The following CNKSR1 variants were observed in gnomAD, a reference collection of about 807,000 sequenced individuals.
CNKSR1 encodes the protein CNK homolog protein 1.
A neutral mutation model predicts 95.6 loss-of-function variants in CNKSR1; 88 were observed. The observed-to-expected ratio is 0.92, with a 90% confidence interval of 0.78 to 1.10. The LOEUF is 1.10. Among genes scored for constraint, CNKSR1 ranks in the 50% least tolerant of loss-of-function variants. The probability of loss-of-function intolerance (pLI) is 0.00; values close to 1 mark genes in which losing one functional copy is unlikely to be tolerated. For synonymous variants in CNKSR1, 355 were observed against 369.7 expected (o/e 0.96, Z 0.46); for missense variants, 836 against 912.0 (o/e 0.92, Z 1.07).
rs535187431 is a variant in CNKSR1, at chr1:26,183,222, A to G, written c.650A>G (p.Asn217Ser). Reference sequence around the variant, plus strand: ...GGCCTAGAAATTCACACCACCAGCAATTGCCAGCACTTTGTGTCCCAAGTG... The same window carrying G: ...GGCCTAGAAATTCACACCACCAGCAGTTGCCAGCACTTTGTGTCCCAAGTG... Reference protein sequence around the residue: ...PLGLEIHTTSNCQHFVSQVDT... With the variant: ...PLGLEIHTTSSCQHFVSQVDT... The change falls in exon 7 of 21, where the codon AAT (asparagine) becomes AGT (serine). Residue 217 changes from asparagine (N) to serine (S), a missense_variant. Physicochemically the swap from Asn to Ser is conservative, Grantham distance 46. Transcript: ENST00000361530. 2 of 1,613,904 alleles carry G rather than the reference A, an allele frequency of 1.2e-6. No individual in the cohort carries two copies. The highest frequency in any genetic ancestry group is 2.7e-5 in the African/African-American group (2 of 74,994).
rs2088665492 is a variant in CNKSR1 at position 26,182,539 on chromosome 1, G to A, written c.579G>A (p.Leu193=). 2.5e-6 allele frequency: 4 copies of A among 1,613,904 alleles called. No homozygotes were observed. Among genetic ancestry groups the A allele is most frequent in the Non-Finnish European group, 3.4e-6 (4 of 1,180,000 alleles). Residue 193 remains leucine, a synonymous_variant, in exon 6 of 21, where the codon CTG becomes CTA. Coordinates refer to ENST00000361530, the MANE Select transcript of CNKSR1 (RefSeq NM_006314.3). ...NILVCCPKEL[L]EQKAVLEQVQ... ...TGGTCTGCTGCCCCAAGGAGCTGCT[G>A]GAACAGAAGGCCGTGCTCGAGCAGG...
In CNKSR1 at chr1:26,182,489, G is replaced by GTGGC. The variant is rs761390129; in HGVS notation, c.533_536dup (p.Ile180TrpfsTer54). On this transcript the variant is annotated frameshift_variant, in exon 6 of 21. Transcript: ENST00000361530. LOFTEE classifies it high-confidence loss of function. The stretch of plus-strand genomic sequence containing the variant: ...CGCTCCCCTCCCCCAGTGCAGCCAC[G>GTGGC]TGGCTGGGATCTGCCACAACATCCT... 1 of 1,614,074 alleles carries GTGGC rather than the reference G, an allele frequency of 6.2e-7. No homozygotes were observed. Among genetic ancestry groups the GTGGC allele is most frequent in the African/African-American group, 1.3e-5 (1 of 75,026 alleles).
Position 26,180,584 on chromosome 1 carries a change from G to A in CNKSR1, c.184G>A (p.Gly62Ser), listed in dbSNP as rs147266314. ...RSLGHQELIL[G>S]GVEQLQALSS... The stretch of plus-strand genomic sequence containing the variant: ...TCTGGGACACCAGGAGCTCATCCTG[G>A]GCGGGGTGGAACAGCTCCAGGCCCT... The change falls in exon 2 of 21, where the codon GGC becomes AGC. Residue 62 changes from glycine to serine, a missense_variant. Coordinates refer to ENST00000361530, the MANE Select transcript of CNKSR1 (RefSeq NM_006314.3). 3.9e-4 allele frequency: 625 copies of A among 1,614,092 alleles called. 1 individual carries two copies. Among genetic ancestry groups the A allele is most frequent in the Non-Finnish European group, 4.9e-4 (575 of 1,180,048 alleles).
Position 26,185,025 on chromosome 1 carries a change from C to A in CNKSR1, c.1147C>A (p.Arg383=). 6.3e-7 allele frequency: 1 copy of A among 1,598,476 alleles called. No individual in the cohort carries two copies. Among genetic ancestry groups the A allele is most frequent in the Non-Finnish European group, 8.5e-7 (1 of 1,177,726 alleles). Residue 383 remains arginine (R), a synonymous_variant, in exon 14 of 21, where the codon CGG becomes AGG. Coordinates refer to ENST00000361530, the MANE Select transcript of CNKSR1 (RefSeq NM_006314.3). The stretch of plus-strand genomic sequence containing the variant: ...CTGTGCTGCTACAGGCCTGGCGACC[C>A]GGCTGAGCCGCCGGCGGGTGTCATG... The part of the protein sequence containing the change: ...GRKKSKGLAT[R]LSRRRVSCRE...
chr1:26,182,245 C>A, intron 4 of CNKSR1, 116 bp from the exon 5 acceptor site: 1 of 1,059,898 alleles, frequency 9.4e-7, no homozygotes, highest in Non-Finnish European at 1.4e-6. Flanking sequence ...GGGCAGGGGG[C>A]CAGTGTAGGG....
chr1:26,184,560 T>C (rs376434802), intron 12 of CNKSR1, 25 bp from the exon 13 acceptor site: 255 of 1,607,856 alleles, frequency 1.6e-4, no homozygotes, highest in Non-Finnish European at 2.0e-4. Flanking sequence ...TAGATCCTTC[T>C]CTCACCCTTC....
chr1:26,183,375 G>T lies in CNKSR1; in HGVS notation c.714G>T (p.Gln238His), dbSNP rs2088680312. 3 of 1,614,202 alleles carry T rather than the reference G, an allele frequency of 1.9e-6. No individual in the cohort carries two copies. Among genetic ancestry groups the T allele is most frequent in the East Asian group, 4.5e-5 (2 of 44,868 alleles). ...CCACTGACTCCCGACTGCAGATCCA[G>T]CCTGGAGACGAGGTTGTCCAGATCA... ...QVPTDSRLQI[Q>H]PGDEVVQINE... Residue 238 changes from glutamine (Q) to histidine (H), a missense_variant, in exon 8 of 21, where the codon CAG (glutamine) becomes CAT (histidine). Transcript: ENST00000361530.
Position 26,180,493 on chromosome 1 carries a change from G to C in CNKSR1, c.93G>C (p.Trp31Cys). ...DSLQDYPFED[W>C]QLPGKNLLQL... Reference sequence around the variant, plus strand: ...TGCAGGACTATCCCTTTGAGGACTGGCAGCTGCCTGGCAAGAACCTGCTCC... The same window carrying C: ...TGCAGGACTATCCCTTTGAGGACTGCCAGCTGCCTGGCAAGAACCTGCTCC... The change falls in exon 2 of 21, where the codon TGG becomes TGC. Residue 31 changes from tryptophan (W) to cysteine (C), a missense_variant. Physicochemically the swap from Trp to Cys is radical, Grantham distance 215 (BLOSUM62 -2). Transcript: ENST00000361530. The C allele has an allele frequency of 6.2e-7, 1 of 1,614,160 alleles. No individual in the cohort carries two copies. Among genetic ancestry groups the C allele is most frequent in the East Asian group, 2.2e-5 (1 of 44,892 alleles).
intron 1 of CNKSR1, among the ~76,000 whole-genome samples, chr1:26,179,825 C>T (rs796746453): frequency 2.0e-5 from 3 of 152,304 alleles, no homozygotes; most frequent in African/African-American, 7.2e-5. Context: ...GGGAGCATCA[C>T]AGTCACCTGC....
chr1:26,189,282 A>AAGCTGCAGG lies in CNKSR1; in HGVS notation c.1886_1894dup (p.Glu629_Gln631dup). On this transcript the variant is annotated inframe_insertion, in exon 21 of 21. Coordinates refer to ENST00000361530, the MANE Select transcript of CNKSR1 (RefSeq NM_006314.3). ...TTAGCCCCTCCTCTCCACACAGGCA[A>AAGCTGCAGG]AGCTGCAGGAGCTGCAGGTCCTAGA... The AAGCTGCAGG allele has an allele frequency of 6.2e-7, 1 of 1,614,110 alleles. No homozygotes were observed. Among genetic ancestry groups the AAGCTGCAGG allele is most frequent in the Non-Finnish European group, 8.5e-7 (1 of 1,180,034 alleles).
In CNKSR1 at chr1:26,189,526, G is replaced by A; in HGVS notation, c.2120G>A (p.Ser707Asn). 2 of 1,566,636 alleles carry A rather than the reference G, an allele frequency of 1.3e-6. No homozygotes were observed. The highest frequency in any genetic ancestry group is 2.2e-5 in the South Asian group (2 of 90,158). The change falls in exon 21 of 21, where the codon AGC (serine) becomes AAC (asparagine). Residue 707 changes from serine (S) to asparagine (N), a missense_variant. Transcript: ENST00000361530. ...CTCTGCCCCCTGACCTCAGAGAGCA[G>A]CCTCCGACCTCCTGACCTCTGACCC... ...SHLCPLTSES[S>N]LRPPDL is the part of the protein sequence containing the mutation.
chr1:26,183,868 C>A (rs765452416), intron 9 of CNKSR1, 38 bp downstream of exon 9: 3 of 565,928 alleles, frequency 5.3e-6, no homozygotes, highest in Admixed American at 2.7e-5. Flanking sequence ...GCCTTCAGAC[C>A]CCCCCCTCCA....
chr1:26,187,376 C>A (rs1375606002), intron 15 of CNKSR1, 35 bp from the exon 16 acceptor site: 1 of 1,613,018 alleles, frequency 6.2e-7, no homozygotes, highest in East Asian at 2.2e-5. Flanking sequence ...GGTGGGCACG[C>A]CCAGGCTGAG....
At chr1:26,184,362 G>T in intron 11 of CNKSR1, 39 bp from the exon 12 acceptor site, 1 of 1,606,516 alleles carries the variant, frequency 6.2e-7, no homozygotes, top group African/African-American at 1.3e-5. Context: ...CTGGGACTGG[G>T]CTCATAGACT....
Position 26,182,604 on chromosome 1 carries a change from C to T in CNKSR1, c.624+20C>T, listed in dbSNP as rs1446568624. The stretch of plus-strand genomic sequence containing the variant: ...CCATTGGTGAGCCCTGCCCTCCCAC[C>T]TCTCACTTCTGACCCCTTGGCAGCC... On this transcript the variant is annotated intron_variant, in intron 6 of 20. Coordinates refer to ENST00000361530, the MANE Select transcript of CNKSR1 (RefSeq NM_006314.3). 4 of 1,598,308 alleles carry T rather than the reference C, an allele frequency of 2.5e-6. No individual in the cohort carries two copies. Among genetic ancestry groups the T allele is most frequent in the East Asian group, 2.2e-5 (1 of 44,616 alleles).
At position 26,187,459 on chromosome 1, in the gene CNKSR1, T is replaced by C; in HGVS notation, c.1431T>C (p.Ala477=). ...HDVYKPFIFA[A]DTLTDLSMWV... ...TGTACAAACCCTTCATCTTCGCTGC[T>C]GATACCCTGACAGATCTGAGCATGT... The change falls in exon 16 of 21, where the codon GCT becomes GCC. Residue 477 remains alanine, a synonymous_variant. Coordinates refer to ENST00000361530, the MANE Select transcript of CNKSR1 (RefSeq NM_006314.3). 1 of 1,614,094 alleles carries C rather than the reference T, an allele frequency of 6.2e-7. No individual in the cohort carries two copies. The highest frequency in any genetic ancestry group is 8.5e-7 in the Non-Finnish European group (1 of 1,180,016).
At position 26,184,613 on chromosome 1, in the gene CNKSR1, G is replaced by T; in HGVS notation, c.1135+1G>T. 3 of 1,601,792 alleles carry T rather than the reference G, an allele frequency of 1.9e-6. No homozygotes were observed. In the South Asian group the frequency reaches 3.4e-5, roughly 18 times the overall value. ...CCTGTTGGTCGGAAGAAATCAAAAG[G>T]TATGAGGTGCGCTGGACTAGGTGGG... On this transcript the variant is annotated splice_donor_variant, in intron 13 of 20. Coordinates refer to ENST00000361530, the MANE Select transcript of CNKSR1 (RefSeq NM_006314.3). LOFTEE classifies it high-confidence loss of function.
chr1:26,184,200 C>T lies in CNKSR1; in HGVS notation c.927-14C>T, dbSNP rs964069349. The T allele has an allele frequency of 1.2e-6, 2 of 1,613,056 alleles. No individual in the cohort carries two copies. Among genetic ancestry groups the T allele is most frequent in the Admixed American group, 1.7e-5 (1 of 59,938 alleles). ...GAGACCGTGGGCTCATCTCATCCCC[C>T]TTGCCCTCCCCAGGGCCCCATCTGA... On this transcript the variant is annotated splice_polypyrimidine_tract_variant and intron_variant, in intron 10 of 20. Coordinates refer to ENST00000361530, the MANE Select transcript of CNKSR1 (RefSeq NM_006314.3).
At chr1:26,182,444 C>T (rs564134554) in intron 5 of CNKSR1, 36 bp from the exon 6 acceptor site, 36 of 1,613,462 alleles carry the variant, frequency 2.2e-5, no homozygotes, top group Middle Eastern at 3.3e-4. Flanking sequence ...TAGGGGCGAT[C>T]GGGCTCAGGC....
Sources: gnomAD v4.1 joint callset for allele counts (sites outside exome capture counted in the v4.1 genomes callset) on GRCh38, gnomAD v4.1.1 for gene constraint, MANE v1.5 for transcripts, NCBI Gene and HGNC (gene_info 2026-07-23, HGNC 2026-07-21) for gene names.